Variants in TTC14 observed in about 807,000 individuals in gnomAD.
TTC14 encodes tetratricopeptide repeat domain 14, also known as tetratricopeptide repeat protein 14.
TTC14 carries 63 observed loss-of-function variants against 79.9 expected under a neutral mutation model. That is an observed-to-expected ratio of 0.79 (90% CI 0.64 to 0.97). TTC14 has a LOEUF of 0.97. Ranked by LOEUF, TTC14 falls within the 50% of genes least tolerant of loss-of-function variation. The pLI, the probability that TTC14 is intolerant of heterozygous loss-of-function variation, is 0.00. For missense variants in TTC14, 895 were observed against 894.0 expected, an observed-to-expected ratio of 1.00 and a Z score of -0.01; for synonymous variants, 335 against 309.6, an observed-to-expected ratio of 1.08 and a Z score of -0.86.
intron 12 of TTC14, chr3:180,616,281 C>T (rs1411654281): frequency 6.2e-7 from 1 of 1,612,848 alleles, no homozygotes; most frequent in East Asian, 2.2e-5. Context: ...CTCCGCTTAC[C>T]TTGCTGATAG....
chr3:180,614,793 C>A, downstream of TTC14: 2 of 717,588 alleles, frequency 2.8e-6, no homozygotes, highest in South Asian at 5.0e-5. Context: ...TTTTTTAAAA[C>A]TATCAGTTTT....
intron 11 of TTC14, 93 bp downstream of exon 11, chr3:180,608,903 A>G (rs1716839793): frequency 7.9e-7 from 1 of 1,272,728 alleles, no homozygotes; most frequent in Non-Finnish European, 1.0e-6. Flanking sequence ...AAAAATATGA[A>G]AGTATTTCAA....
downstream of TTC14, among the ~76,000 whole-genome samples, chr3:180,611,777 C>T (rs1466121196): frequency 6.6e-6 from 1 of 152,106 alleles, no homozygotes; most frequent in Non-Finnish European, 1.5e-5. Flanking sequence ...CACAATGACA[C>T]TAGATAAGTG....
intron 9 of TTC14, 139 bp downstream of exon 9, chr3:180,606,742 A>G (rs768860794): frequency 4.6e-6 from 5 of 1,075,796 alleles, no homozygotes; most frequent in Non-Finnish European, 6.4e-6. Context: ...AAAGTACAAG[A>G]GATTAGGCAA....
chr3:180,609,962 C>T lies in TTC14; in HGVS notation c.1733C>T (p.Pro578Leu), dbSNP rs747943643. 3.7e-6 allele frequency: 6 copies of T among 1,614,044 alleles called. No individual in the cohort carries two copies. In the South Asian group the frequency reaches 6.6e-5, roughly 18 times the overall value. ...CAGATAAAAGAGAAAGATAGATGCCCTCTCTCTTCATCTTCACTTGAAATA... is the reference window on the plus strand; with the variant it reads ...CAGATAAAAGAGAAAGATAGATGCCTTCTCTCTTCATCTTCACTTGAAATA... ...KTQIKEKDRCPLSSSSLEIPD... is the reference protein window; with the variant it reads ...KTQIKEKDRCLLSSSSLEIPD... The change falls in exon 12 of 12, where the codon CCT (proline) becomes CTT (leucine). Residue 578 changes from proline (P) to leucine (L), a missense_variant. Pro to Leu is a moderately conservative substitution (Grantham distance 98). Transcript: ENST00000296015.
downstream of TTC14, chr3:180,613,824 G>A (rs1020825366): frequency 5.7e-5 from 25 of 440,294 alleles, no homozygotes; most frequent in Middle Eastern, 3.4e-4. Context: ...CTTTTTTTTC[G>A]CCCACCTTAT....
rs765208185 is a variant in TTC14 at position 180,610,337 on chromosome 3, A to G, written c.2108A>G (p.Tyr703Cys). The change falls in exon 12 of 12, where the codon TAC (tyrosine) becomes TGC (cysteine). Residue 703 changes from tyrosine to cysteine, a missense_variant. By Grantham distance (194) the Tyr-to-Cys change is radical (BLOSUM62 -2). Transcript: ENST00000296015. ...GATTTCAGTAGACATGAGCAAAGAT[A>G]CCGTTTAAATACAAATCAAGGAGAA... ...SRDFSRHEQR[Y>C]RLNTNQGEYE... The G allele has an allele frequency of 1.2e-6, 2 of 1,612,966 alleles. No homozygotes were observed. Among genetic ancestry groups the G allele is most frequent in the South Asian group, 2.2e-5 (2 of 90,842 alleles).
intron 11 of TTC14, chr3:180,609,242 T>TCCCCCCCCCCCC: frequency 1.6e-6 from 1 of 606,946 alleles, no homozygotes; most frequent in Non-Finnish European, 2.1e-6. Flanking sequence ...ACAGGTCAGC[T>TCCCCCCCCCCCC]CCCACCCGCA....
At chr3:180,611,406 A>G (rs1469044669), downstream of TTC14, among the ~76,000 whole-genome samples, 2 of 152,206 alleles carry the variant, frequency 1.3e-5, no homozygotes, top group East Asian at 3.9e-4. Flanking sequence ...AGACTCTCCT[A>G]GTGTAGCAGA....
In TTC14 at chr3:180,603,300, G is replaced by A; in HGVS notation, c.463G>A (p.Asp155Asn). 6.2e-7 allele frequency: 1 copy of A among 1,613,886 alleles called. No homozygotes were observed. The highest frequency in any genetic ancestry group is 8.5e-7 in the Non-Finnish European group (1 of 1,179,916). ...CTGTTTAGGAAGTGGTATCATGAGA[G>A]ATATAGCCCACTTAGAAATCACAGT... ...LICLGSGIMR[D>N]IAHLEITALC... The change falls in exon 3 of 12, where the codon GAT (aspartate) becomes AAT (asparagine). Residue 155 changes from aspartate to asparagine, a missense_variant. Physicochemically the swap from Asp to Asn is conservative, Grantham distance 23. Transcript: ENST00000296015.
chr3:180,606,001 C>G (rs751305689), intron 7 of TTC14, 164 bp downstream of exon 7: 2 of 844,498 alleles, frequency 2.4e-6, no homozygotes, highest in Non-Finnish European at 3.7e-6. Flanking sequence ...ACATTTTACA[C>G]TTAACAGATA....
intron 10 of TTC14, 143 bp downstream of exon 10, chr3:180,607,908 G>T: frequency 1.4e-6 from 2 of 1,430,990 alleles, no homozygotes; most frequent in Non-Finnish European, 1.8e-6. Flanking sequence ...TCCTAATTGG[G>T]TTTGACATTG....
chr3:180,602,777 T>C, intron 1 of TTC14, 114 bp from the exon 2 acceptor site: 1 of 1,251,458 alleles, frequency 8.0e-7, no homozygotes, highest in Non-Finnish European at 1.1e-6. Context: ...TGAGGTTGTA[T>C]TGTCTGCAGC....
At chr3:180,608,559 A>T in intron 10 of TTC14, 142 bp from the exon 11 acceptor site, 1 of 1,271,388 alleles carries the variant, frequency 7.9e-7, no homozygotes, top group Non-Finnish European at 1.0e-6. Context: ...TTATGTTAAA[A>T]AAATACTGTT....
downstream of TTC14, chr3:180,611,207 C>T (rs1716983586): frequency 2.0e-6 from 2 of 976,720 alleles, no homozygotes; most frequent in Non-Finnish European, 2.4e-6. Flanking sequence ...CTTATTTCTC[C>T]ATTATTTTTT....
At position 180,610,157 on chromosome 3, in the gene TTC14, G is replaced by A; in HGVS notation, c.1928G>A (p.Gly643Asp). Residue 643 changes from glycine to aspartate, a missense_variant, in exon 12 of 12, where the codon GGT (glycine) becomes GAT (aspartate). Gly to Asp is a moderately conservative substitution (Grantham distance 94). Coordinates refer to ENST00000296015, the MANE Select transcript of TTC14 (RefSeq NM_133462.4). The part of the protein sequence containing the change: ...FCRNSEDKIY[G>D]YRRFEKDIEG... ...AGGAATTCAGAGGACAAGATTTATG[G>A]TTATAGGAGATTTGAAAAGGATATA... 1 of 1,613,168 alleles carries A rather than the reference G, an allele frequency of 6.2e-7. No individual in the cohort carries two copies. Among genetic ancestry groups the A allele is most frequent in the Non-Finnish European group, 8.5e-7 (1 of 1,179,722 alleles).
chr3:180,612,603 A>AGTT (rs1178719444), downstream of TTC14, among the ~76,000 whole-genome samples: 2 of 152,136 alleles, frequency 1.3e-5, no homozygotes, highest in Non-Finnish European at 2.9e-5. Context: ...CATCCAAATA[A>AGTT]GTTGGGTGTG....
chr3:180,618,242 A>G (rs568187893), downstream of TTC14, among the ~76,000 whole-genome samples: 13 of 152,240 alleles, frequency 8.5e-5, no homozygotes, highest in African/African-American at 3.1e-4. Context: ...TGACTGTATA[A>G]TGGTTTTATG....
In TTC14 at chr3:180,606,599, G is replaced by A. The variant is rs1716706416; in HGVS notation, c.1168G>A (p.Gly390Arg). 1 of 1,610,404 alleles carries A rather than the reference G, an allele frequency of 6.2e-7. No homozygotes were observed. The highest frequency in any genetic ancestry group is 8.5e-7 in the Non-Finnish European group (1 of 1,179,032). ...YLCQTLVERG[G>R]QLEEEEKFLN... ...CTGCCAGACACTTGTAGAGAGAGGAGGACAGTAAGTATCAGATTTTGTTTA... is the reference window on the plus strand; with the variant it reads ...CTGCCAGACACTTGTAGAGAGAGGAAGACAGTAAGTATCAGATTTTGTTTA... The change falls in exon 9 of 12, where the codon GGA becomes AGA. Residue 390 changes from glycine to arginine, a missense_variant. Coordinates refer to ENST00000296015, the MANE Select transcript of TTC14 (RefSeq NM_133462.4).
Sources: gnomAD v4.1 joint callset for allele counts (sites outside exome capture counted in the v4.1 genomes callset) on GRCh38, gnomAD v4.1.1 for gene constraint, MANE v1.5 for transcripts, NCBI Gene and HGNC (gene_info 2026-07-23, HGNC 2026-07-21) for gene names.